Variants in FMN1 observed in about 807,000 individuals in gnomAD.
FMN1 encodes the protein formin-1.
Under a neutral mutation model 132.4 loss-of-function variants are expected in FMN1, and 110 were observed. The ratio of observed to expected loss-of-function variants is 0.83; its 90% CI spans 0.71 to 0.97. FMN1 has a LOEUF of 0.97. Ranked by LOEUF, FMN1 falls within the 50% of genes least tolerant of loss-of-function variation. The pLI, the probability that FMN1 is intolerant of heterozygous loss-of-function variation, is 0.00. For missense variants in FMN1, 1,792 were observed against 1,705.3 expected, an observed-to-expected ratio of 1.05 and a Z score of -0.90; for synonymous variants, 722 against 651.7, an observed-to-expected ratio of 1.11 and a Z score of -1.64.
chr15:33,068,448 G>A (rs1369449259), intron 5 of FMN1, among the ~76,000 whole-genome samples: 22 of 152,144 alleles, frequency 1.4e-4, no homozygotes. Flanking sequence ...TCTGACACAG[G>A]CCTTCTTTTT....
chr15:32,887,459 A>G (rs1390253371), intron 16 of FMN1, among the ~76,000 whole-genome samples: 4 of 152,208 alleles, frequency 2.6e-5, no homozygotes, highest in Non-Finnish European at 4.4e-5. Context: ...CAAGTGAGAC[A>G]TATTTTCACC....
rs1042229229 is a variant in FMN1, at chr15:33,111,857, A to G, written c.1868-22883T>C. On this transcript the variant is annotated intron_variant, in intron 4 of 20. Transcript: ENST00000616417. ...GGGGGAGGTGATGAAAATGTTATAAAGTTGATTTTGATGATGGTTGTACAA... is the reference window on the plus strand; with the variant it reads ...GGGGGAGGTGATGAAAATGTTATAAGGTTGATTTTGATGATGGTTGTACAA... 2.0e-5 allele frequency among the ~76,000 whole-genome samples: 3 copies of G among 152,112 alleles called. No individual in the cohort carries two copies. The East Asian group carries it at 5.8e-4, about 29-fold the overall frequency.
At chr15:33,115,197 T>C (rs1271898697) in intron 4 of FMN1, among the ~76,000 whole-genome samples, 1 of 152,124 alleles carries the variant, frequency 6.6e-6, no homozygotes, top group Non-Finnish European at 1.5e-5. Flanking sequence ...ATTTAAGTGT[T>C]AAAAGGAGAG....
intron 17 of FMN1, among the ~76,000 whole-genome samples, chr15:32,828,294 G>A (rs2058420349): frequency 6.6e-6 from 1 of 152,182 alleles, no homozygotes. Flanking sequence ...AAAGTAATTA[G>A]ATCCATATGT....
chr15:32,923,788 G>A (rs1463434441), intron 10 of FMN1, among the ~76,000 whole-genome samples: 4 of 152,214 alleles, frequency 2.6e-5, no homozygotes, highest in African/African-American at 9.6e-5. Flanking sequence ...TGGCTGGAAT[G>A]ACTTCTATCC....
intron 9 of FMN1, among the ~76,000 whole-genome samples, chr15:32,963,906 T>C (rs1034890226): frequency 1.3e-5 from 2 of 151,132 alleles, no homozygotes; most frequent in African/African-American, 2.4e-5. Flanking sequence ...CAACAGCATG[T>C]AATGAATTCC....
intron 7 of FMN1, among the ~76,000 whole-genome samples, chr15:32,997,319 G>T (rs943049977): frequency 7.1e-6 from 1 of 140,652 alleles, no homozygotes; most frequent in Non-Finnish European, 1.6e-5. Flanking sequence ...AAATATCACC[G>T]TCTTTTTTTT....
chr15:33,074,452 G>C (rs900457122), intron 5 of FMN1, among the ~76,000 whole-genome samples: 5 of 152,184 alleles, frequency 3.3e-5, no homozygotes, highest in African/African-American at 1.2e-4. Context: ...TGGTTAAAAA[G>C]AAAACAGGCA....
At chr15:32,865,643 C>A (rs2059374022) in intron 16 of FMN1, among the ~76,000 whole-genome samples, 1 of 152,086 alleles carries the variant, frequency 6.6e-6, no homozygotes, top group Non-Finnish European at 1.5e-5. Context: ...TCGAGACCAG[C>A]CTAATCAACA....
At chr15:33,028,575 C>T (rs1375111411) in intron 6 of FMN1, among the ~76,000 whole-genome samples, 2 of 151,876 alleles carry the variant, frequency 1.3e-5, no homozygotes, top group African/African-American at 4.8e-5. Flanking sequence ...AGGCAAGATA[C>T]TTTTGGAAAT....
chr15:32,835,155 G>C (rs1463154825), intron 17 of FMN1, among the ~76,000 whole-genome samples: 2 of 152,132 alleles, frequency 1.3e-5, no homozygotes, highest in Non-Finnish European at 2.9e-5. Context: ...TGGAGGAGAG[G>C]GCAGGACACA....
intron 18 of FMN1, among the ~76,000 whole-genome samples, chr15:32,800,139 T>C (rs1205229996): frequency 3.9e-5 from 6 of 152,356 alleles, no homozygotes; most frequent in Admixed American, 2.0e-4. Flanking sequence ...ATTTCACAGA[T>C]GAACTGTTAA....
At position 32,769,939 on chromosome 15, in the gene FMN1, T is replaced by C. The variant is rs2056173236; in HGVS notation, c.*4371A>G. The C allele has an allele frequency of 6.6e-6, 1 of 152,186 alleles. No individual in the cohort carries two copies. The highest frequency in any genetic ancestry group is 2.1e-4 in the South Asian group (1 of 4,836). The allele number at this position is 152,186 out of a possible 1,614,324, so 9.4% of individuals were successfully genotyped here. On this transcript the variant is annotated 3_prime_UTR_variant, in exon 21 of 21. Transcript: ENST00000616417. ...TTTGTTTTTATTAGGACAGACAGGA[T>C]AAAAGAAAAATGAAGCTCAAATATA...
chr15:32,892,233 T>C (rs1374029746), intron 15 of FMN1, among the ~76,000 whole-genome samples: 2 of 152,226 alleles, frequency 1.3e-5, no homozygotes, highest in South Asian at 4.1e-4. Flanking sequence ...ATGTCCCCTG[T>C]ATGCAAATTT....
At chr15:32,780,269 G>A (rs1182592098) in intron 19 of FMN1, among the ~76,000 whole-genome samples, 1 of 152,134 alleles carries the variant, frequency 6.6e-6, no homozygotes, top group Non-Finnish European at 1.5e-5. Flanking sequence ...CATGAGGTCA[G>A]CACAAGATAC....
At chr15:33,147,176 A>AAAG (rs1452948594) in intron 4 of FMN1, among the ~76,000 whole-genome samples, 1 of 151,970 alleles carries the variant, frequency 6.6e-6, no homozygotes, top group African/African-American at 2.4e-5. Flanking sequence ...AAAAAAAAAA[A>AAAG]AAAAAAGAAA....
intron 7 of FMN1, among the ~76,000 whole-genome samples, chr15:33,007,409 A>G (rs1465246278): frequency 6.6e-6 from 1 of 152,162 alleles, no homozygotes; most frequent in Non-Finnish European, 1.5e-5. Context: ...TTTCTGCCAC[A>G]GGCACTACAA....
intron 2 of FMN1, among the ~76,000 whole-genome samples, chr15:33,181,707 CT>C (rs753993602): frequency 0.013 from 1,660 of 126,168 alleles, 22 homozygotes; most frequent in African/African-American, 0.042. Flanking sequence ...TTTTTTCTTT[CT>C]TTTTTTTTTT....
In FMN1 at chr15:33,128,635, C is replaced by T. The variant is rs568063847; in HGVS notation, c.1867+24413G>A. Among the ~76,000 whole-genome samples, 15 of 152,326 alleles carry T rather than the reference C, an allele frequency of 9.8e-5. No homozygotes were observed. The South Asian group carries it at 1.2e-3, about 13-fold the overall frequency. ...GACCTTTGCGGCAAGTGTTACAGCT[C>T]TTAAAGACGGTGCGTCCGGATGCTC... On this transcript the variant is annotated intron_variant, in intron 4 of 20. Coordinates refer to ENST00000616417, the MANE Select transcript of FMN1 (RefSeq NM_001277313.2).
Sources: gnomAD v4.1 joint callset for allele counts (sites outside exome capture counted in the v4.1 genomes callset) on GRCh38, gnomAD v4.1.1 for gene constraint, MANE v1.5 for transcripts, NCBI Gene and HGNC (gene_info 2026-07-23, HGNC 2026-07-21) for gene names.